AFF3: variants seen among roughly 807,000 people sequenced by gnomAD.
AFF3 encodes the protein AF4/FMR2 family member 3.
In AFF3, 32 loss-of-function variants were observed where a neutral mutation model predicts 129.7. That is an observed-to-expected ratio of 0.25 (90% CI 0.19 to 0.33). AFF3 has a LOEUF of 0.33. Ranked by LOEUF, AFF3 falls within the 10% of genes least tolerant of loss-of-function variation. The pLI is 1.00. For synonymous variants in AFF3, 644 were observed against 635.4 expected, an observed-to-expected ratio of 1.01 and a Z score of -0.20; for missense variants, 1,373 against 1,592.0, an observed-to-expected ratio of 0.86 and a Z score of 2.34.
Position 99,601,648 on chromosome 2 carries a change from G to C in AFF3, c.1185-27C>G, listed in dbSNP as rs1249713635. ...TGCCAGCCCGCGAGGCCCCCGGGAA[G>C]CAGAGGGAAGGAAAGCCAAGTGAGC... On this transcript the variant is annotated intron_variant, in intron 13 of 24. Transcript: ENST00000672756. 2.5e-6 allele frequency: 4 copies of C among 1,580,162 alleles called. No individual in the cohort carries two copies. In the Admixed American group the frequency reaches 6.8e-5, roughly 27 times the overall value.
intron 13 of AFF3, among the ~76,000 whole-genome samples, chr2:99,626,366 TCCTCCCTTCCTTCCTC>T (rs1682554427): frequency 7.1e-6 from 1 of 141,102 alleles, no homozygotes; most frequent in South Asian, 2.5e-4. Flanking sequence ...CCTTCCTCTT[TCCTCCCTTCCTTCCTC>T]CCTCCCTTCT....
chr2:99,645,763 T>G (rs1558691126), intron 13 of AFF3, among the ~76,000 whole-genome samples: 1 of 152,242 alleles, frequency 6.6e-6, no homozygotes, highest in East Asian at 1.9e-4. Context: ...CAGTTTTAAT[T>G]TATCAAGATG....
intron 7 of AFF3, among the ~76,000 whole-genome samples, chr2:99,943,833 G>A (rs750884737): frequency 6.6e-6 from 1 of 152,028 alleles, no homozygotes; most frequent in Non-Finnish European, 1.5e-5. Flanking sequence ...TTTCCCTCTT[G>A]TATTGCATGT....
rs79500221 is a variant in AFF3, at chr2:99,660,218, C to T, written c.1144-10552G>A. 6.5e-3 allele frequency among the ~76,000 whole-genome samples: 993 copies of T among 152,248 alleles called. 17 individuals carry two copies. Among genetic ancestry groups the T allele is most frequent in the African/African-American group, 0.023 (951 of 41,538 alleles). ...TTGAGTAATATGAAAGCAACTAGCGCCTAAATTGTGAAATACAAATGTTAC... is the reference window on the plus strand; with the variant it reads ...TTGAGTAATATGAAAGCAACTAGCGTCTAAATTGTGAAATACAAATGTTAC... On this transcript the variant is annotated intron_variant, in intron 12 of 24. Coordinates refer to ENST00000672756, the MANE Select transcript of AFF3 (RefSeq NM_001386135.1).
chr2:99,592,667 C>T (rs984937195), intron 15 of AFF3, among the ~76,000 whole-genome samples: 2 of 152,162 alleles, frequency 1.3e-5, no homozygotes, highest in African/African-American at 2.4e-5. Flanking sequence ...GGCGTGGTGG[C>T]TCATGCCTGT....
At chr2:100,099,499 T>G (rs1392515685) in intron 4 of AFF3, among the ~76,000 whole-genome samples, 1 of 151,982 alleles carries the variant, frequency 6.6e-6, no homozygotes, top group Admixed American at 6.5e-5. Context: ...AGATCCACAC[T>G]TTATTCCCTC....
intron 3 of AFF3, chr2:100,105,206 C>T: frequency 2.7e-6 from 2 of 731,598 alleles, no homozygotes; most frequent in Non-Finnish European, 3.6e-6. Context: ...TCTCCCGCGG[C>T]CCAGAATCCA....
At chr2:99,648,917 A>ACACACTCTCTCTCTCT in intron 13 of AFF3, among the ~76,000 whole-genome samples, 44 of 46,926 alleles carry the variant, frequency 9.4e-4, no homozygotes, top group Middle Eastern at 0.021. Context: ...ACACACACAC[A>ACACACTCTCTCTCTCT]CTCTCTCTCT....
intron 7 of AFF3, among the ~76,000 whole-genome samples, chr2:99,987,484 G>T (rs967492590): frequency 6.6e-5 from 10 of 152,258 alleles, no homozygotes; most frequent in Middle Eastern, 3.4e-3. Context: ...GGGGGCCAAG[G>T]GCAGTGCCAC....
chr2:100,025,660 C>T (rs980848132), intron 4 of AFF3, among the ~76,000 whole-genome samples: 7 of 151,986 alleles, frequency 4.6e-5, no homozygotes, highest in African/African-American at 1.4e-4. Context: ...ACTATAAGGC[C>T]GTAGTCACCA....
At chr2:99,706,124 G>A (rs1170584663) in intron 11 of AFF3, among the ~76,000 whole-genome samples, 2 of 152,110 alleles carry the variant, frequency 1.3e-5, no homozygotes, top group Middle Eastern at 3.2e-3. Context: ...GGGACCTCTC[G>A]AGTTACGATG....
At chr2:99,867,588 A>AAC (rs1165886001) in intron 7 of AFF3, among the ~76,000 whole-genome samples, 1 of 151,236 alleles carries the variant, frequency 6.6e-6, no homozygotes, top group Non-Finnish European at 1.5e-5. Context: ...AAAAAAAAAA[A>AAC]AAAAACATAG....
At chr2:100,099,301 G>A (rs547842620) in intron 4 of AFF3, among the ~76,000 whole-genome samples, 2 of 152,236 alleles carry the variant, frequency 1.3e-5, no homozygotes, top group Non-Finnish European at 2.9e-5. Context: ...AGCATTTTCT[G>A]GCACTATGAA....
intron 4 of AFF3, among the ~76,000 whole-genome samples, chr2:100,078,184 C>T (rs1013971524): frequency 2.6e-5 from 4 of 152,184 alleles, no homozygotes; most frequent in Non-Finnish European, 4.4e-5. Flanking sequence ...TGACAACATC[C>T]GTTCACAGGC....
At chr2:99,609,147 T>C (rs1174709785) in intron 13 of AFF3, among the ~76,000 whole-genome samples, 1 of 152,206 alleles carries the variant, frequency 6.6e-6, no homozygotes, top group Non-Finnish European at 1.5e-5. Context: ...AAAGAATGGC[T>C]ACTCCATAGA....
intron 11 of AFF3, among the ~76,000 whole-genome samples, chr2:99,674,643 G>A (rs6710594): frequency 0.77 from 117,333 of 151,992 alleles, 45,602 homozygotes; most frequent in African/African-American, 0.87. Flanking sequence ...GAGTGGGGAG[G>A]ACTCACACAA....
intron 7 of AFF3, among the ~76,000 whole-genome samples, chr2:99,960,974 A>G (rs574690556): frequency 1.3e-5 from 2 of 152,298 alleles, no homozygotes; most frequent in South Asian, 4.1e-4. Context: ...GGCTCCCCAC[A>G]GGCAATGCCC....
chr2:100,132,001 A>G (rs79458911), intron 1 of AFF3, among the ~76,000 whole-genome samples: 6,811 of 152,162 alleles, frequency 0.045, 403 homozygotes, highest in African/African-American at 0.14. Flanking sequence ...GCTCCGAGGG[A>G]GGACCGGCCC....
intron 4 of AFF3, among the ~76,000 whole-genome samples, chr2:100,073,132 A>G (rs750039763): frequency 6.6e-6 from 1 of 152,190 alleles, no homozygotes; most frequent in Non-Finnish European, 1.5e-5. Context: ...CAGACCCCAC[A>G]ATATTCAGAT....
Sources: gnomAD v4.1 joint callset for allele counts (sites outside exome capture counted in the v4.1 genomes callset) on GRCh38, gnomAD v4.1.1 for gene constraint, MANE v1.5 for transcripts, NCBI Gene and HGNC (gene_info 2026-07-23, HGNC 2026-07-21) for gene names.